The following DACH2 variants were observed in gnomAD, a reference collection of about 807,000 sequenced individuals.
DACH2 encodes the protein dachshund homolog 2.
DACH2 carries 17 observed loss-of-function variants against 35.8 expected under a neutral mutation model. That is an observed-to-expected ratio of 0.48 (90% confidence interval 0.33 to 0.71). The LOEUF (loss-of-function observed/expected upper bound fraction) is 0.71, where lower values mean the gene tolerates loss of function less well. Ranked by LOEUF, DACH2 falls within the 30% of genes least tolerant of loss-of-function variation. DACH2 has a pLI of 0.02. For synonymous variants in DACH2, 195 were observed against 177.3 expected, an observed-to-expected ratio of 1.10 and a Z score of -0.79; for missense variants, 469 against 472.7, an observed-to-expected ratio of 0.99 and a Z score of 0.07.
intron 3 of DACH2, among the ~76,000 whole-genome samples, chrX:86,639,176 T>C (rs1234301953): frequency 1.8e-5 from 2 of 111,619 alleles, no homozygotes; most frequent in Non-Finnish European, 3.8e-5. Flanking sequence ...GGTACTCACA[T>C]TGGAATTGAT....
chrX:86,252,956 G>A (rs1023359681), intron 1 of DACH2, among the ~76,000 whole-genome samples: 7 of 110,744 alleles, frequency 6.3e-5, no homozygotes, highest in African/African-American at 9.8e-5. Flanking sequence ...CATCCAAATC[G>A]GGAAAGAGAA....
chrX:86,305,592 C>T (rs1190869184), intron 1 of DACH2, among the ~76,000 whole-genome samples: 1 of 110,770 alleles, frequency 9.0e-6, no homozygotes, highest in Admixed American at 9.7e-5. Context: ...TTTCATCAAA[C>T]TAAAATGCTT....
intron 2 of DACH2, among the ~76,000 whole-genome samples, chrX:86,498,298 C>T (rs1209430653): frequency 1.8e-5 from 2 of 111,721 alleles, no homozygotes; most frequent in African/African-American, 6.5e-5. Context: ...TTCTTTAATA[C>T]AAACCCATCT....
At chrX:86,438,054 C>A (rs929815879) in intron 2 of DACH2, among the ~76,000 whole-genome samples, 2 of 108,726 alleles carry the variant, frequency 1.8e-5, no homozygotes, top group Non-Finnish European at 1.9e-5. Context: ...CTCCAACAGG[C>A]TCCAGGGTGT....
intron 1 of DACH2, among the ~76,000 whole-genome samples, chrX:86,359,369 T>C (rs2035700581): frequency 9.0e-6 from 1 of 111,299 alleles, no homozygotes; most frequent in African/African-American, 3.3e-5. Flanking sequence ...CCATAATCTG[T>C]GACATTTTGT....
chrX:86,751,316 C>A (rs2041770482), intron 7 of DACH2, among the ~76,000 whole-genome samples: 1 of 110,318 alleles, frequency 9.1e-6, no homozygotes, highest in Non-Finnish European at 1.9e-5. Flanking sequence ...AAGATTGGTT[C>A]AACATATAAA....
At chrX:86,289,532 T>C (rs1169549696) in intron 1 of DACH2, among the ~76,000 whole-genome samples, 1 of 106,268 alleles carries the variant, frequency 9.4e-6, no homozygotes, top group Non-Finnish European at 1.9e-5. Context: ...TAACTCATCA[T>C]CTAGCATTAG....
At chrX:86,645,924 T>C (rs1412683971) in intron 3 of DACH2, among the ~76,000 whole-genome samples, 1 of 110,243 alleles carries the variant, frequency 9.1e-6, no homozygotes, top group Non-Finnish European at 1.9e-5. Context: ...GTGGAGGATA[T>C]GAGCAAAAAA....
chrX:86,482,164 CA>C (rs2037946904), intron 2 of DACH2, among the ~76,000 whole-genome samples: 2 of 111,595 alleles, frequency 1.8e-5, no homozygotes, highest in Admixed American at 1.9e-4. Context: ...ATTCTCACCA[CA>C]AAAATGTATA....
chrX:86,620,802 A>T (rs2040061590), intron 3 of DACH2, among the ~76,000 whole-genome samples: 1 of 110,123 alleles, frequency 9.1e-6, no homozygotes, highest in Non-Finnish European at 1.9e-5. Flanking sequence ...TAAAACAAAA[A>T]AAAAAAAGGA....
At chrX:86,336,376 C>A (rs1320745262) in intron 1 of DACH2, among the ~76,000 whole-genome samples, 1 of 111,884 alleles carries the variant, frequency 8.9e-6, no homozygotes, top group African/African-American at 3.2e-5. Context: ...TCTGTCTGGT[C>A]CTGGGCTTCC....
At chrX:86,182,932 T>C (rs1023751243) in intron 1 of DACH2, among the ~76,000 whole-genome samples, 1 of 111,752 alleles carries the variant, frequency 8.9e-6, no homozygotes. Context: ...ATTCTTTTTG[T>C]AGCAATTGTG....
chrX:86,676,747 A>G (rs1011908834), intron 4 of DACH2, among the ~76,000 whole-genome samples: 1 of 112,001 alleles, frequency 8.9e-6, no homozygotes, highest in African/African-American at 3.2e-5. Context: ...TGAATTGATC[A>G]ACATTTGTAA....
intron 4 of DACH2, among the ~76,000 whole-genome samples, chrX:86,668,627 A>G: frequency 8.9e-6 from 1 of 112,097 alleles, no homozygotes; most frequent in Non-Finnish European, 1.9e-5. Context: ...GAGAGATGCT[A>G]CACTGAGACC....
chrX:86,763,575 T>G (rs2041903991), intron 7 of DACH2, among the ~76,000 whole-genome samples: 2 of 111,796 alleles, frequency 1.8e-5, no homozygotes, highest in Non-Finnish European at 3.8e-5. Flanking sequence ...TGCCTCAGCC[T>G]CCTGAGTAGC....
intron 6 of DACH2, 45 bp from the exon 7 acceptor site, chrX:86,739,702 T>G: frequency 1.7e-6 from 2 of 1,161,977 alleles, no homozygotes; most frequent in South Asian, 3.8e-5. Flanking sequence ...ACATAAAAAC[T>G]TGGCGCATAG....
chrX:86,295,204 T>C (rs1049039824), intron 1 of DACH2, among the ~76,000 whole-genome samples: 1 of 91,783 alleles, frequency 1.1e-5, no homozygotes, highest in Non-Finnish European at 2.1e-5. Context: ...GTCACCCCTT[T>C]CTTTGACTAG....
At chrX:86,549,381 G>A (rs896592174) in intron 3 of DACH2, among the ~76,000 whole-genome samples, 1 of 110,953 alleles carries the variant, frequency 9.0e-6, no homozygotes, top group Non-Finnish European at 1.9e-5. Context: ...ATAGTCTTTG[G>A]CATGTTTAAT....
intron 1 of DACH2, among the ~76,000 whole-genome samples, chrX:86,307,008 A>T (rs758557067): frequency 8.9e-6 from 1 of 111,916 alleles, no homozygotes; most frequent in South Asian, 3.7e-4. Flanking sequence ...TGAACTATTT[A>T]GATAGTTACG....
Sources: allele counts gnomAD v4.1 joint callset (sites outside exome capture counted in the v4.1 genomes callset), GRCh38; gene constraint gnomAD v4.1.1; transcripts MANE v1.5; gene names NCBI Gene and HGNC (gene_info 2026-07-23, HGNC 2026-07-21).